Variants in MAN1A1 observed in about 807,000 individuals in gnomAD.
MAN1A1 encodes mannosidase alpha class 1A member 1.
A neutral mutation model predicts 70.8 loss-of-function variants in MAN1A1; 29 were observed. The ratio of observed to expected loss-of-function variants is 0.41; its 90% CI spans 0.31 to 0.56. The LOEUF is 0.56. Among genes scored for constraint, MAN1A1 ranks in the 20% least tolerant of loss-of-function variants. The probability of loss-of-function intolerance (pLI) is 0.29; values close to 1 mark genes in which losing one functional copy is unlikely to be tolerated. For missense variants in MAN1A1, 747 were observed against 841.3 expected (o/e 0.89, Z 1.39); for synonymous variants, 349 against 330.1 (o/e 1.06, Z -0.62).
chr6:119,290,464 C>T (rs112948941), intron 5 of MAN1A1, among the ~76,000 whole-genome samples: 3 of 152,078 alleles, frequency 2.0e-5, no homozygotes, highest in African/African-American at 7.2e-5. Flanking sequence ...TTTCTAAAGG[C>T]ATTACTTAAC....
At chr6:119,314,051 C>A (rs1004750538) in intron 2 of MAN1A1, among the ~76,000 whole-genome samples, 1 of 152,226 alleles carries the variant, frequency 6.6e-6, no homozygotes, top group African/African-American at 2.4e-5. Context: ...TACAGGCACG[C>A]GTCTAGAACT....
chr6:119,266,539 C>CAA lies in MAN1A1; in HGVS notation c.898-18187_898-18186dup, dbSNP rs71015032. On this transcript the variant is annotated intron_variant, in intron 5 of 12. Coordinates refer to ENST00000368468, the MANE Select transcript of MAN1A1 (RefSeq NM_005907.4). ...AAAACTAGATATCCATATACACATA[C>CAA]AAAAAAAAATGAATGTAGACACAGA... is the stretch of plus-strand genomic sequence containing the variant. Among the ~76,000 whole-genome samples, 115 of 150,994 alleles carry CAA rather than the reference C, an allele frequency of 7.6e-4. 1 individual carries two copies. The highest frequency in any genetic ancestry group is 4.9e-3 in the Admixed American group (75 of 15,182).
chr6:119,240,872 G>A (rs1174134620), intron 6 of MAN1A1, among the ~76,000 whole-genome samples: 1 of 152,180 alleles, frequency 6.6e-6, no homozygotes, highest in Non-Finnish European at 1.5e-5. Context: ...CCAAAGTTTG[G>A]TGACAGGATT....
intron 5 of MAN1A1, chr6:119,269,578 A>G (rs764007676): frequency 1.6e-5 from 3 of 188,132 alleles, no homozygotes; most frequent in Non-Finnish European, 3.4e-5. Context: ...GTTTCTGTGG[A>G]AAGTGCCAAA....
At chr6:119,263,049 C>G (rs919752636) in intron 5 of MAN1A1, among the ~76,000 whole-genome samples, 2 of 152,090 alleles carry the variant, frequency 1.3e-5, no homozygotes, top group African/African-American at 4.8e-5. Context: ...CATCTTTTTC[C>G]CGTGCTGGAT....
intron 2 of MAN1A1, among the ~76,000 whole-genome samples, chr6:119,308,645 A>G (rs1772598535): frequency 6.6e-6 from 1 of 152,152 alleles, no homozygotes; most frequent in South Asian, 2.1e-4. Context: ...CTATATTAAA[A>G]CTAATTAAAT....
chr6:119,296,725 A>G (rs975134467), intron 4 of MAN1A1, among the ~76,000 whole-genome samples: 1 of 152,166 alleles, frequency 6.6e-6, no homozygotes, highest in African/African-American at 2.4e-5. Context: ...AGAAAAAAAA[A>G]AAGTCACTGT....
At chr6:119,319,481 C>T (rs1772949514) in intron 2 of MAN1A1, among the ~76,000 whole-genome samples, 1 of 151,822 alleles carries the variant, frequency 6.6e-6, no homozygotes, top group Admixed American at 6.6e-5. Flanking sequence ...TTAAAATAGA[C>T]TGCATTACTT....
intron 6 of MAN1A1, among the ~76,000 whole-genome samples, chr6:119,247,226 C>T (rs1236960220): frequency 6.6e-6 from 1 of 152,140 alleles, no homozygotes; most frequent in East Asian, 1.9e-4. Flanking sequence ...GTTTCTAAAC[C>T]AGAAAGCTGT....
intron 5 of MAN1A1, among the ~76,000 whole-genome samples, chr6:119,266,722 A>G (rs1044521595): frequency 1.3e-5 from 2 of 152,204 alleles, no homozygotes; most frequent in Non-Finnish European, 2.9e-5. Flanking sequence ...ATGATCCATG[A>G]AAGAAAAAAT....
At chr6:119,226,972 G>T (rs1774533581) in intron 6 of MAN1A1, among the ~76,000 whole-genome samples, 1 of 152,114 alleles carries the variant, frequency 6.6e-6, no homozygotes, top group South Asian at 2.1e-4. Flanking sequence ...TGCCCGGCCT[G>T]AACGTGAATT....
chr6:119,280,039 CCCT>C (rs1468167985), intron 5 of MAN1A1, among the ~76,000 whole-genome samples: 3 of 152,204 alleles, frequency 2.0e-5, no homozygotes. Flanking sequence ...CTACTAGTTT[CCCT>C]CCTACTTCCC....
At chr6:119,232,372 C>CA (rs71015028) in intron 6 of MAN1A1, among the ~76,000 whole-genome samples, 12,892 of 89,082 alleles carry the variant, frequency 0.14, 1,333 homozygotes, top group East Asian at 0.19. Context: ...GACTCTGTCT[C>CA]AAAAAAAAAA....
At position 119,349,005 on chromosome 6, in the gene MAN1A1, C is replaced by T. The variant is rs749428237; in HGVS notation, c.61G>A (p.Gly21Arg). The stretch of plus-strand genomic sequence containing the variant: ...TTCCTGCCACCGCCGCCGCCGAGCC[C>T]CCCGCCCAGGACGCCGCCCGCGGGG... ...SSPAGGVLGGGLGGGGGRKGS... is the reference protein window; with the variant it reads ...SSPAGGVLGGRLGGGGGRKGS... Residue 21 changes from glycine to arginine, a missense_variant, in exon 2 of 13, where the codon GGG becomes AGG. By Grantham distance (125) the Gly-to-Arg change is moderately radical. This residue lies in a region of MAN1A1 where 328 missense variants were observed against 293.1 expected (regional missense o/e 1.12). Coordinates refer to ENST00000368468, the MANE Select transcript of MAN1A1 (RefSeq NM_005907.4). The T allele has an allele frequency of 2.8e-6, 4 of 1,406,194 alleles. No individual in the cohort carries two copies. Among genetic ancestry groups the T allele is most frequent in the Non-Finnish European group, 1.9e-6 (2 of 1,075,714 alleles). The allele number at this position is 1,406,194 out of a possible 1,614,324, so 87.1% of individuals were successfully genotyped here.
At chr6:119,208,327 A>T (rs1303910980) in intron 6 of MAN1A1, among the ~76,000 whole-genome samples, 1 of 152,202 alleles carries the variant, frequency 6.6e-6, no homozygotes, top group African/African-American at 2.4e-5. Context: ...TTCAATTTTT[A>T]AATTTTCAGT....
chr6:119,321,913 C>T (rs1014579685), intron 2 of MAN1A1, among the ~76,000 whole-genome samples: 23 of 152,258 alleles, frequency 1.5e-4, no homozygotes, highest in Non-Finnish European at 2.1e-4. Context: ...GCCACCGCCC[C>T]GGCCCTGCAA....
chr6:119,349,487 C>T, intron 1 of MAN1A1, 55 bp downstream of exon 1: 1 of 970,432 alleles, frequency 1.0e-6, no homozygotes, highest in African/African-American at 1.7e-5. Context: ...GAGGGGTGTC[C>T]CGCGCAGGAA....
intron 2 of MAN1A1, among the ~76,000 whole-genome samples, chr6:119,308,005 C>T (rs1195891180): frequency 2.0e-5 from 3 of 152,144 alleles, no homozygotes; most frequent in African/African-American, 4.8e-5. Context: ...AATTACCTTC[C>T]TAACTCACCA....
chr6:119,216,479 C>T (rs1774206285), intron 6 of MAN1A1, among the ~76,000 whole-genome samples: 1 of 152,112 alleles, frequency 6.6e-6, no homozygotes, highest in South Asian at 2.1e-4. Flanking sequence ...CTAGCTCTAG[C>T]AGCTGGGTAA....
Sources: gnomAD v4.1 joint callset for allele counts (sites outside exome capture counted in the v4.1 genomes callset) on GRCh38, gnomAD v4.1.1 for gene constraint, gnomAD v4.1.1 regional missense constraint, MANE v1.5 for transcripts, NCBI Gene and HGNC (gene_info 2026-07-23, HGNC 2026-07-21) for gene names.